The following TOPBP1 variants were observed in gnomAD, a reference collection of about 807,000 sequenced individuals.
TOPBP1 encodes DNA topoisomerase II binding protein 1.
Under a neutral mutation model 167.7 loss-of-function variants are expected in TOPBP1, and 28 were observed. That is an observed-to-expected ratio of 0.17 (90% CI 0.12 to 0.23). The LOEUF (loss-of-function observed/expected upper bound fraction) is 0.23, where lower values mean the gene tolerates loss of function less well. Ranked by LOEUF, TOPBP1 falls within the 10% of genes least tolerant of loss-of-function variation. The pLI is 1.00. For synonymous variants in TOPBP1, 598 were observed against 611.4 expected, an observed-to-expected ratio of 0.98 and a Z score of 0.32; for missense variants, 1,554 against 1,809.6, an observed-to-expected ratio of 0.86 and a Z score of 2.56.
chr3:133,623,527 TA>T, intron 17 of TOPBP1, 70 bp from the exon 18 acceptor site: 1 of 1,492,076 alleles, frequency 6.7e-7, no homozygotes. Context: ...TTAAGTAGGA[TA>T]AGGACAAGCA....
chr3:133,657,693 C>T (rs1187094506), intron 4 of TOPBP1, 105 bp downstream of exon 4: 22 of 966,158 alleles, frequency 2.3e-5, no homozygotes, highest in South Asian at 7.2e-5. Flanking sequence ...TTAAAAGTCA[C>T]GAACAATAAG....
At chr3:133,613,155 C>T (rs1381230512) in intron 23 of TOPBP1, among the ~76,000 whole-genome samples, 1 of 152,198 alleles carries the variant, frequency 6.6e-6, no homozygotes, top group East Asian at 1.9e-4. Flanking sequence ...GCCACCATGC[C>T]TGGTCCTGCT....
intron 25 of TOPBP1, among the ~76,000 whole-genome samples, chr3:133,609,295 T>G (rs777777997): frequency 1.3e-5 from 2 of 152,210 alleles, no homozygotes; most frequent in Non-Finnish European, 2.9e-5. Context: ...TTAGGTTAGA[T>G]GAAGCCTGCG....
intron 27 of TOPBP1, 136 bp from the exon 28 acceptor site, chr3:133,601,529 T>C: frequency 2.9e-6 from 2 of 685,882 alleles, no homozygotes; most frequent in Non-Finnish European, 4.5e-6. Context: ...TATTCATTCC[T>C]AGGTTCCAGC....
rs1309068852 is a variant in TOPBP1, at chr3:133,602,813, C to T, written c.4426-1420G>A. Among the ~76,000 whole-genome samples the T allele has an allele frequency of 2.0e-5, 3 of 151,732 alleles. No homozygotes were observed. The East Asian group carries it at 5.8e-4, about 29-fold the overall frequency. ...CAGTGGGCCAGGTTTGGCCAGGTGG[C>T]TATAGTTTACTGACCCCTGGTATAA... On this transcript the variant is annotated intron_variant, in intron 27 of 27. Coordinates refer to ENST00000260810, the MANE Select transcript of TOPBP1 (RefSeq NM_007027.4).
At position 133,657,223 on chromosome 3, in the gene TOPBP1, A is replaced by G. The variant is rs561814724; in HGVS notation, c.364-366T>C. 1.1e-4 allele frequency among the ~76,000 whole-genome samples: 16 copies of G among 151,602 alleles called. No homozygotes were observed. The South Asian group carries it at 2.1e-3, about 20-fold the overall frequency. On this transcript the variant is annotated intron_variant, in intron 4 of 27. Coordinates refer to ENST00000260810, the MANE Select transcript of TOPBP1 (RefSeq NM_007027.4). ...GCCAGGCTTGGTGGTGCATGCCTGT[A>G]ATTCCAGCTACTCGGGAGGCTGAGG...
At position 133,638,302 on chromosome 3, in the gene TOPBP1, G is replaced by A. The variant is rs143442918; in HGVS notation, c.2234-140C>T. 4.0e-5 allele frequency: 31 copies of A among 777,642 alleles called. No homozygotes were observed. The African/African-American group carries it at 4.2e-4, about 11-fold the overall frequency. The allele number at this position is 777,642 out of a possible 1,614,324, so 48.2% of individuals were successfully genotyped here. ...TGGGCTCAAGAGATCCATCTACCTC[G>A]GCATCCTAATCTGTTAGTTTTCATG... On this transcript the variant is annotated intron_variant, in intron 13 of 27. Transcript: ENST00000260810.
At chr3:133,611,217 A>G in intron 24 of TOPBP1, 76 bp from the exon 25 acceptor site, 1 of 1,378,892 alleles carries the variant, frequency 7.3e-7, no homozygotes, top group South Asian at 1.7e-5. Flanking sequence ...CTCCTCAAGG[A>G]GCCCAAAGTC....
At position 133,601,385 on chromosome 3, in the gene TOPBP1, A is replaced by G. The variant is rs200763231; in HGVS notation, c.4434T>C (p.Pro1478=). The change falls in exon 28 of 28, where the codon CCT becomes CCC. Residue 1478 remains proline, a synonymous_variant. Coordinates refer to ENST00000260810, the MANE Select transcript of TOPBP1 (RefSeq NM_007027.4). ...YIADYLMQES[P]PHVENYCLPE... is the part of the protein sequence containing the mutation. ...GTAGACAGTAATTTTCTACATGAGG[A>G]GGTGATTCCTATAAAAGGAAAAATA... 108 of 1,526,856 alleles carry G rather than the reference A, an allele frequency of 7.1e-5. No homozygotes were observed. The highest frequency in any genetic ancestry group is 1.1e-5 in the Non-Finnish European group (12 of 1,136,210). The allele number at this position is 1,526,856 out of a possible 1,614,324, so 94.6% of individuals were successfully genotyped here.
chr3:133,644,734 G>T (rs1576307749), intron 10 of TOPBP1, among the ~76,000 whole-genome samples: 1 of 152,122 alleles, frequency 6.6e-6, no homozygotes, highest in Admixed American at 6.6e-5. Flanking sequence ...AGTCTAAATG[G>T]TATAACTGTC....
At chr3:133,604,551 C>T (rs1934426996) in intron 27 of TOPBP1, among the ~76,000 whole-genome samples, 1 of 151,632 alleles carries the variant, frequency 6.6e-6, no homozygotes, top group Admixed American at 6.6e-5. Flanking sequence ...TTATTAAAAA[C>T]TGACATAAAA....
intron 27 of TOPBP1, among the ~76,000 whole-genome samples, chr3:133,601,976 T>C (rs1028716598): frequency 1.3e-5 from 2 of 152,078 alleles, no homozygotes; most frequent in Non-Finnish European, 2.9e-5. Flanking sequence ...AAAGCAACCA[T>C]AGAGCCTGGA....
intron 10 of TOPBP1, among the ~76,000 whole-genome samples, chr3:133,648,665 C>T (rs1706138454): frequency 1.3e-5 from 2 of 152,036 alleles, no homozygotes; most frequent in Admixed American, 1.3e-4. Flanking sequence ...GGGGTGGTGG[C>T]GCATGCCTGT....
At chr3:133,653,302 T>C (rs778682280) in intron 7 of TOPBP1, 43 bp downstream of exon 7, 2 of 1,488,700 alleles carry the variant, frequency 1.3e-6, no homozygotes, top group East Asian at 2.4e-5. Flanking sequence ...CATAGAAATA[T>C]GACTGTCTTC....
chr3:133,652,793 A>G (rs1936348570), intron 7 of TOPBP1, among the ~76,000 whole-genome samples, 164 bp from the exon 8 acceptor site: 1 of 152,236 alleles, frequency 6.6e-6, no homozygotes, highest in Non-Finnish European at 1.5e-5. Flanking sequence ...AAAAGGGAAA[A>G]TGAAATTAAT....
At chr3:133,647,011 T>C (rs180784534) in intron 10 of TOPBP1, among the ~76,000 whole-genome samples, 41 of 152,328 alleles carry the variant, frequency 2.7e-4, no homozygotes, top group Non-Finnish European at 4.7e-4. Flanking sequence ...TGTAAAGGTA[T>C]CACACAAGAG....
At chr3:133,624,464 A>G (rs9818392) in intron 16 of TOPBP1, among the ~76,000 whole-genome samples, 3,181 of 152,098 alleles carry the variant, frequency 0.021, 59 homozygotes, top group African/African-American at 0.044. Context: ...ACACAGCAAG[A>G]CCCCGCCTCA....
chr3:133,618,790 A>T (rs1366150501), intron 20 of TOPBP1, among the ~76,000 whole-genome samples: 7 of 152,216 alleles, frequency 4.6e-5, no homozygotes, highest in African/African-American at 2.4e-5. Context: ...TTAGGGAAAC[A>T]GGGTAATGTT....
intron 25 of TOPBP1, among the ~76,000 whole-genome samples, chr3:133,609,325 G>A (rs1172391041): frequency 6.6e-6 from 1 of 152,090 alleles, no homozygotes; most frequent in East Asian, 1.9e-4. Flanking sequence ...TCTTAAAAAT[G>A]TTTACAAACT....
Sources: allele counts gnomAD v4.1 joint callset (sites outside exome capture counted in the v4.1 genomes callset), GRCh38; gene constraint gnomAD v4.1.1; transcripts MANE v1.5; gene names NCBI Gene and HGNC (gene_info 2026-07-23, HGNC 2026-07-21).